The following TBC1D5 variants were observed in gnomAD, a reference collection of about 807,000 sequenced individuals.
TBC1D5 encodes TBC1 domain family, member 5.
TBC1D5 carries 75 observed loss-of-function variants against 100.3 expected under a neutral mutation model. The observed-to-expected ratio is 0.75, with a 90% CI of 0.62 to 0.91. TBC1D5 has a LOEUF of 0.91. Ranked by LOEUF, TBC1D5 falls within the 40% of genes least tolerant of loss-of-function variation. TBC1D5 has a pLI of 0.00. For synonymous variants in TBC1D5, 323 were observed against 325.6 expected (o/e 0.99, Z 0.09); for missense variants, 910 against 942.4 (o/e 0.97, Z 0.45).
intron 1 of TBC1D5, chr3:17,699,834 A>T (rs1225750017): frequency 2.0e-5 from 3 of 151,934 alleles, no homozygotes; most frequent in Non-Finnish European, 2.9e-5. Context: ...AAAAGAAAGA[A>T]AGTTTTCTCA....
At chr3:17,205,615 T>TC (rs1027713317) in intron 18 of TBC1D5, among the ~76,000 whole-genome samples, 4 of 152,050 alleles carry the variant, frequency 2.6e-5, no homozygotes, top group African/African-American at 9.7e-5. Flanking sequence ...CCTCATCACA[T>TC]CCCCCCAACT....
chr3:17,440,928 C>T (rs1024231644), intron 3 of TBC1D5, among the ~76,000 whole-genome samples: 1 of 152,152 alleles, frequency 6.6e-6, no homozygotes, highest in African/African-American at 2.4e-5. Flanking sequence ...GGTCATGAGC[C>T]ACCGTGTCCC....
chr3:17,342,793 A>G (rs1162205023), intron 13 of TBC1D5, among the ~76,000 whole-genome samples: 1 of 152,218 alleles, frequency 6.6e-6, no homozygotes, highest in African/African-American at 2.4e-5. Context: ...TATGACCATA[A>G]CACGCATATT....
chr3:17,201,211 C>T (rs1346453883), intron 18 of TBC1D5, among the ~76,000 whole-genome samples: 1 of 152,106 alleles, frequency 6.6e-6, no homozygotes, highest in Non-Finnish European at 1.5e-5. Context: ...ATTTACTCCC[C>T]AACTTCACCC....
intron 16 of TBC1D5, among the ~76,000 whole-genome samples, chr3:17,250,871 C>A (rs1035030836): frequency 2.0e-5 from 3 of 152,084 alleles, no homozygotes; most frequent in Non-Finnish European, 4.4e-5. Flanking sequence ...AAAATATAAA[C>A]TCAATGTTTG....
intron 3 of TBC1D5, among the ~76,000 whole-genome samples, chr3:17,439,691 C>T (rs1489484825): frequency 6.6e-6 from 1 of 151,964 alleles, no homozygotes; most frequent in Non-Finnish European, 1.5e-5. Flanking sequence ...GAAAAGAATT[C>T]TAAATCCACG....
At chr3:17,444,522 A>G (rs2094739337) in intron 3 of TBC1D5, among the ~76,000 whole-genome samples, 1 of 152,070 alleles carries the variant, frequency 6.6e-6, no homozygotes, top group Non-Finnish European at 1.5e-5. Context: ...TATTTCTTTT[A>G]TTTAAAAGAT....
chr3:17,314,044 G>T (rs2084367004), intron 13 of TBC1D5, among the ~76,000 whole-genome samples: 2 of 152,114 alleles, frequency 1.3e-5, no homozygotes, highest in Admixed American at 6.5e-5. Context: ...CAGGGTTTAG[G>T]ACACTGCTTT....
intron 9 of TBC1D5, among the ~76,000 whole-genome samples, chr3:17,379,152 T>A (rs568076316): frequency 6.6e-6 from 1 of 151,924 alleles, no homozygotes; most frequent in African/African-American, 2.4e-5. Context: ...TATGTCATTA[T>A]CATGTAGGTT....
intron 1 of TBC1D5, among the ~76,000 whole-genome samples, chr3:17,637,688 C>A (rs1427893963): frequency 4.6e-5 from 7 of 152,144 alleles, no homozygotes; most frequent in Admixed American, 2.6e-4. Context: ...AAGTTAATTT[C>A]TTCCCAGCTG....
chr3:17,412,607 T>G (rs377523545), intron 4 of TBC1D5, among the ~76,000 whole-genome samples: 1 of 152,074 alleles, frequency 6.6e-6, no homozygotes. Flanking sequence ...TATTCTTACA[T>G]AAAAAAATAT....
At chr3:17,654,945 C>T (rs1339681261) in intron 1 of TBC1D5, among the ~76,000 whole-genome samples, 29 of 147,654 alleles carry the variant, frequency 2.0e-4, no homozygotes, top group Admixed American at 3.4e-4. Flanking sequence ...AGTTTATTTG[C>T]GTAGAGGTGT....
chr3:17,561,586 G>A (rs537171923), intron 2 of TBC1D5, among the ~76,000 whole-genome samples: 1 of 152,208 alleles, frequency 6.6e-6, no homozygotes, highest in African/African-American at 2.4e-5. Flanking sequence ...GTTAGTAACA[G>A]CAAGAAAAAT....
chr3:17,252,045 C>T (rs2077225252), intron 16 of TBC1D5, among the ~76,000 whole-genome samples: 1 of 152,072 alleles, frequency 6.6e-6, no homozygotes, highest in African/African-American at 2.4e-5. Flanking sequence ...TTCTTTATTC[C>T]AGAACATTCA....
intron 1 of TBC1D5, among the ~76,000 whole-genome samples, chr3:17,642,339 T>C (rs1366812904): frequency 6.6e-6 from 1 of 152,138 alleles, no homozygotes; most frequent in Non-Finnish European, 1.5e-5. Context: ...TATATTATCA[T>C]GTTTAGTTGA....
intron 15 of TBC1D5, among the ~76,000 whole-genome samples, chr3:17,260,740 T>C (rs1359580028): frequency 1.3e-5 from 2 of 152,086 alleles, no homozygotes; most frequent in Non-Finnish European, 2.9e-5. Context: ...CAAATATAAA[T>C]TTCACCTATA....
At chr3:17,365,966 C>G (rs1191717441) in intron 13 of TBC1D5, among the ~76,000 whole-genome samples, 1 of 152,070 alleles carries the variant, frequency 6.6e-6, no homozygotes, top group Non-Finnish European at 1.5e-5. Flanking sequence ...ATAACAGTAC[C>G]TATTTCTATG....
intron 3 of TBC1D5, among the ~76,000 whole-genome samples, chr3:17,493,862 G>T (rs1215700272): frequency 6.6e-6 from 1 of 152,068 alleles, no homozygotes; most frequent in African/African-American, 2.4e-5. Context: ...CTTTGCATTG[G>T]GTTAGAACAT....
At chr3:17,527,595 A>G (rs999454232) in intron 2 of TBC1D5, among the ~76,000 whole-genome samples, 1 of 152,208 alleles carries the variant, frequency 6.6e-6, no homozygotes, top group Non-Finnish European at 1.5e-5. Context: ...TCTTCAGAAA[A>G]GAGCCCTTCC....
Sources: allele counts gnomAD v4.1 joint callset (sites outside exome capture counted in the v4.1 genomes callset), GRCh38; gene constraint gnomAD v4.1.1; transcripts MANE v1.5; gene names NCBI Gene and HGNC (gene_info 2026-07-23, HGNC 2026-07-21).